PIK3IP1: variants seen among roughly 807,000 people sequenced by gnomAD.
PIK3IP1 encodes the protein phosphoinositide-3-kinase interacting protein 1, also known as phosphoinositide-3-kinase-interacting protein 1.
Under a neutral mutation model 30.7 loss-of-function variants are expected in PIK3IP1, and 28 were observed. That is an observed-to-expected ratio of 0.91 (90% CI 0.68 to 1.25). The LOEUF is 1.25. PIK3IP1 is among the 50% of genes most tolerant of loss of function. PIK3IP1 has a pLI of 0.00. For missense variants in PIK3IP1, 333 were observed against 346.2 expected (o/e 0.96, Z 0.30); for synonymous variants, 159 against 140.8 (o/e 1.13, Z -0.91).
At chr22:31,287,268 C>T (rs2049138641) in intron 5 of PIK3IP1, among the ~76,000 whole-genome samples, 1 of 151,490 alleles carries the variant, frequency 6.6e-6, no homozygotes, top group South Asian at 2.1e-4. Flanking sequence ...ATCCACCCAC[C>T]TCTGCCTCCC....
chr22:31,283,018 C>G lies in PIK3IP1; in HGVS notation c.*66G>C. ...ACCAGAACACAAAGTGGTAGTTCCT[C>G]CTAGCTGTAGGAGGGTGGGCTGTCC... On this transcript the variant is annotated 3_prime_UTR_variant, in exon 6 of 6. Transcript: ENST00000215912. The G allele has an allele frequency of 7.7e-7, 1 of 1,306,050 alleles. No individual in the cohort carries two copies. Among genetic ancestry groups the G allele is most frequent in the Non-Finnish European group, 1.1e-6 (1 of 941,786 alleles). The allele number at this position is 1,306,050 out of a possible 1,614,324, so 80.9% of individuals were successfully genotyped here.
upstream of PIK3IP1, chr22:31,292,495 T>C (rs1307109959): frequency 6.3e-6 from 4 of 633,434 alleles, no homozygotes; most frequent in Non-Finnish European, 5.6e-6. Context: ...AACTGGGAGC[T>C]TCCCAGCTAG....
At position 31,289,304 on chromosome 22, in the gene PIK3IP1, AAGCTAC is replaced by A. The variant is rs774235498; in HGVS notation, c.587+5_587+10del. 6.2e-7 allele frequency: 1 copy of A among 1,613,594 alleles called. No individual in the cohort carries two copies. The highest frequency in any genetic ancestry group is 1.1e-5 in the South Asian group (1 of 91,062). ...CTCCTCCTAAGAGGGCCCAGAAGAG[AAGCTAC>A]TGACCTCTTGTAGGAGTAGCCCAAG... On this transcript the variant is annotated splice_donor_5th_base_variant and intron_variant, in intron 5 of 5. Transcript: ENST00000215912.
intron 5 of PIK3IP1, among the ~76,000 whole-genome samples, chr22:31,285,642 T>C (rs1387618457): frequency 4.6e-5 from 7 of 152,250 alleles, no homozygotes; most frequent in Non-Finnish European, 8.8e-5. Flanking sequence ...TAGATCTTGT[T>C]TCTTCTGACT....
upstream of PIK3IP1, chr22:31,292,520 A>G (rs1601464870): frequency 1.7e-6 from 1 of 602,254 alleles, no homozygotes; most frequent in East Asian, 2.8e-5. Flanking sequence ...CTGCAGCGCG[A>G]GCTGTTTTTC....
In PIK3IP1 at chr22:31,289,374, G is replaced by T. The variant is rs766033282; in HGVS notation, c.528C>A (p.Thr176=). ...CGATGGCAATGATGATCACCATCAT[G>T]GTAATGCCCAGCACGTAGCCTGCCA... ...LGTLGYVLGI[T]MMVIIIAIGA... Residue 176 remains threonine (T), a synonymous_variant, in exon 5 of 6, where the codon ACC becomes ACA. Coordinates refer to ENST00000215912, the MANE Select transcript of PIK3IP1 (RefSeq NM_052880.5). 1.2e-6 allele frequency: 2 copies of T among 1,611,878 alleles called. No individual in the cohort carries two copies. Among genetic ancestry groups the T allele is most frequent in the African/African-American group, 1.3e-5 (1 of 74,826 alleles).
rs2073861 is a variant in PIK3IP1, at chr22:31,289,270, C to G, written c.587+45G>C. 37,019 of 1,596,286 alleles carry G rather than the reference C, an allele frequency of 0.023. 4,652 individuals are homozygous for G. In the East Asian group the frequency reaches 0.41, roughly 17 times the overall value. On this transcript the variant is annotated intron_variant, in intron 5 of 5. Transcript: ENST00000215912. ...AGCCACAAAGTTTGACTTTGTGTAC[C>G]TTCCTCCCCTCCTCCTAAGAGGGCC...
At position 31,283,011 on chromosome 22, in the gene PIK3IP1, A is replaced by AG; in HGVS notation, c.*72dup. The AG allele has an allele frequency of 8.6e-7, 1 of 1,169,554 alleles. No homozygotes were observed. The highest frequency in any genetic ancestry group is 1.2e-6 in the Non-Finnish European group (1 of 823,036). 72.4% of individuals were successfully genotyped at this position (1,169,554 alleles called of 1,614,324 possible). ...GGTTTTAACCAGAACACAAAGTGGT[A>AG]GTTCCTCCTAGCTGTAGGAGGGTGG... On this transcript the variant is annotated 3_prime_UTR_variant, in exon 6 of 6. Coordinates refer to ENST00000215912, the MANE Select transcript of PIK3IP1 (RefSeq NM_052880.5).
At chr22:31,290,802 A>G in intron 3 of PIK3IP1, 163 bp downstream of exon 3, 1 of 1,081,284 alleles carries the variant, frequency 9.2e-7, no homozygotes, top group South Asian at 2.0e-5. Context: ...GCGGCGGCCA[A>G]TAGGCTTTGA....
At position 31,282,759 on chromosome 22, in the gene PIK3IP1, TCCC is replaced by T. The variant is rs1009673655; in HGVS notation, c.*322_*324del. 2 of 302,544 alleles carry T rather than the reference TCCC, an allele frequency of 6.6e-6. No homozygotes were observed. Among genetic ancestry groups the T allele is most frequent in the Non-Finnish European group, 1.3e-5 (2 of 158,370 alleles). The allele number at this position is 302,544 out of a possible 1,614,324, so 18.7% of individuals were successfully genotyped here. A position where few individuals can be genotyped will look rare whatever the true frequency, so the allele number is the denominator to read the frequency against. On this transcript the variant is annotated 3_prime_UTR_variant, in exon 6 of 6. Coordinates refer to ENST00000215912, the MANE Select transcript of PIK3IP1 (RefSeq NM_052880.5). ...AAAGCACAGAGGAGCCTGGGGGAGC[TCCC>T]CGTCTATCCCTGGTTCAGTTCCAGG...
intron 5 of PIK3IP1, among the ~76,000 whole-genome samples, chr22:31,287,403 T>C (rs1040172161): frequency 1.4e-5 from 2 of 146,358 alleles, no homozygotes; most frequent in African/African-American, 5.1e-5. Context: ...CAATCTCGGC[T>C]CACTGCAACC....
chr22:31,283,145 G>A lies in PIK3IP1; in HGVS notation c.731C>T (p.Pro244Leu). 1.2e-6 allele frequency: 2 copies of A among 1,613,930 alleles called. No individual in the cohort carries two copies. Among genetic ancestry groups the A allele is most frequent in the East Asian group, 4.5e-5 (2 of 44,882 alleles). The change falls in exon 6 of 6, where the codon CCA becomes CTA. Residue 244 changes from proline (P) to leucine (L), a missense_variant. Pro to Leu is a moderately conservative substitution (Grantham distance 98). Around this residue, in one of 3 missense-constraint regions of PIK3IP1, gnomAD observed 217 missense variants for 227.7 expected, o/e 0.95. Coordinates refer to ENST00000215912, the MANE Select transcript of PIK3IP1 (RefSeq NM_052880.5). ...KTVVVHTSQT[P>L]VDPQEGTTPL... ...GGTGGTGCCCTCCTGAGGGTCAACT[G>A]GAGTCTGGCTGGTGTGGACCACGAC...
At chr22:31,292,212 A>G in intron 1 of PIK3IP1, 63 bp downstream of exon 1, 1 of 1,529,938 alleles carries the variant, frequency 6.5e-7, no homozygotes, top group South Asian at 1.1e-5. Flanking sequence ...TGTTTGGGAA[A>G]TAGGGGGCTT....
At position 31,292,401 on chromosome 22, in the gene PIK3IP1, T is replaced by C; in HGVS notation, c.-57A>G. On this transcript the variant is annotated 5_prime_UTR_variant, in exon 1 of 6. Transcript: ENST00000215912. The stretch of plus-strand genomic sequence containing the variant: ...CGACCAGTGTTTAACCGAGGCCCCC[T>C]TGGCGGCGGCTCTGCCTCCCAGTCC... 7.1e-6 allele frequency: 11 copies of C among 1,551,556 alleles called. No homozygotes were observed. The highest frequency in any genetic ancestry group is 9.8e-6 in the Non-Finnish European group (11 of 1,123,576).
At position 31,282,438 on chromosome 22, in the gene PIK3IP1, C is replaced by T. The variant is rs576443871; in HGVS notation, c.*646G>A. Reference sequence around the variant, plus strand: ...GAATGCTCAGTGCAATTCTTCCTTTCCTTATGAAACAGGAAGAGTCCCTGG... The same window carrying T: ...GAATGCTCAGTGCAATTCTTCCTTTTCTTATGAAACAGGAAGAGTCCCTGG... On this transcript the variant is annotated 3_prime_UTR_variant, in exon 6 of 6. Transcript: ENST00000215912. 1 of 152,760 alleles carries T rather than the reference C, an allele frequency of 6.5e-6. No individual in the cohort carries two copies. Among genetic ancestry groups the T allele is most frequent in the Non-Finnish European group, 1.5e-5 (1 of 68,098 alleles). 9.5% of individuals were successfully genotyped at this position (152,760 alleles called of 1,614,324 possible).
chr22:31,283,437 G>A, intron 5 of PIK3IP1, 149 bp from the exon 6 acceptor site: 2 of 772,128 alleles, frequency 2.6e-6, no homozygotes, highest in South Asian at 3.4e-5. Flanking sequence ...TCAGGTCCAG[G>A]ATTCTAGGAT....
At chr22:31,288,166 CA>C (rs1045574591) in intron 5 of PIK3IP1, among the ~76,000 whole-genome samples, 5 of 151,920 alleles carry the variant, frequency 3.3e-5, no homozygotes, top group African/African-American at 1.2e-4. Context: ...TGCTTGAGCC[CA>C]GGAGTTTGAG....
chr22:31,287,678 T>C (rs1238315322), intron 5 of PIK3IP1, among the ~76,000 whole-genome samples: 2 of 152,048 alleles, frequency 1.3e-5, no homozygotes, highest in African/African-American at 2.4e-5. Flanking sequence ...GACCACCTAC[T>C]ATGTGCCACA....
At chr22:31,292,094 A>C (rs2049185195) in intron 1 of PIK3IP1, among the ~76,000 whole-genome samples, 181 bp downstream of exon 1, 1 of 152,198 alleles carries the variant, frequency 6.6e-6, no homozygotes, top group Admixed American at 6.5e-5. Context: ...CTTTGTTCTT[A>C]ATGGCAAAGA....
Sources: allele counts gnomAD v4.1 joint callset (sites outside exome capture counted in the v4.1 genomes callset), GRCh38; gene constraint gnomAD v4.1.1; regional missense constraint gnomAD v4.1.1; transcripts MANE v1.5; gene names NCBI Gene and HGNC (gene_info 2026-07-23, HGNC 2026-07-21).